The following SPACA1 variants were observed in gnomAD, a reference collection of about 807,000 sequenced individuals.
SPACA1 encodes the protein sperm acrosome associated 1.
A neutral mutation model predicts 32.6 loss-of-function variants in SPACA1; 17 were observed. The ratio of observed to expected loss-of-function variants is 0.52; its 90% confidence interval spans 0.36 to 0.78. SPACA1 has a LOEUF of 0.78. SPACA1 is among the 30% of genes least tolerant of loss of function. The probability of loss-of-function intolerance (pLI) is 0.01; values close to 1 mark genes in which losing one functional copy is unlikely to be tolerated. For synonymous variants in SPACA1, 140 were observed against 138.1 expected, an observed-to-expected ratio of 1.01 and a Z score of -0.10; for missense variants, 363 against 373.4, an observed-to-expected ratio of 0.97 and a Z score of 0.23.
intron 2 of SPACA1, among the ~76,000 whole-genome samples, chr6:88,056,229 C>T (rs773112754): frequency 6.6e-6 from 1 of 152,064 alleles, no homozygotes; most frequent in Non-Finnish European, 1.5e-5. Flanking sequence ...TGGCACGCGC[C>T]TGTAATCCCA....
intron 5 of SPACA1, among the ~76,000 whole-genome samples, chr6:88,059,982 CATGG>C (rs1775868106): frequency 6.6e-6 from 1 of 152,086 alleles, no homozygotes. Flanking sequence ...ATGGAATTCT[CATGG>C]ATGCTTATGA....
intron 5 of SPACA1, among the ~76,000 whole-genome samples, chr6:88,060,603 T>C (rs1775877876): frequency 6.6e-6 from 1 of 152,230 alleles, no homozygotes; most frequent in Admixed American, 6.5e-5. Context: ...TTTAGAAACA[T>C]CTTCATGGTG....
rs146484212 is a variant in SPACA1 at position 88,062,657 on chromosome 6, G to A, written c.611-1442G>A. Among the ~76,000 whole-genome samples, 9 of 152,202 alleles carry A rather than the reference G, an allele frequency of 5.9e-5. No individual in the cohort carries two copies. In the East Asian group the frequency reaches 1.7e-3, roughly 29 times the overall value. On this transcript the variant is annotated intron_variant, in intron 5 of 6. Transcript: ENST00000237201. ...ATGGGAGAGAATGCTTGAGGTAAGA[G>A]TGGTGCATGAGGTGGGTACAGTGGT...
intron 6 of SPACA1, 57 bp from the exon 7 acceptor site, chr6:88,066,125 T>C (rs1470339577): frequency 1.0e-5 from 14 of 1,404,890 alleles, no homozygotes; most frequent in Non-Finnish European, 1.3e-5. Context: ...TATAGAAATC[T>C]ATTCAGTTTT....
At chr6:88,049,567 TC>T (rs1243133464) in intron 1 of SPACA1, among the ~76,000 whole-genome samples, 1 of 152,242 alleles carries the variant, frequency 6.6e-6, no homozygotes, top group East Asian at 1.9e-4. Flanking sequence ...CCCTTAACCC[TC>T]AGTGGATCAG....
At chr6:88,059,638 G>A (rs759971629) in intron 5 of SPACA1, 50 bp downstream of exon 5, 8 of 1,534,026 alleles carry the variant, frequency 5.2e-6, no homozygotes, top group African/African-American at 2.8e-5. Flanking sequence ...TCTTTAAAGA[G>A]CATTAAAATC....
At chr6:88,048,242 G>T (rs1238894868) in intron 1 of SPACA1, 129 bp downstream of exon 1, 8 of 996,522 alleles carry the variant, frequency 8.0e-6, no homozygotes, top group Non-Finnish European at 1.0e-5. Flanking sequence ...CTTCAGCCCC[G>T]AGTTTGTCCC....
chr6:88,047,191 T>C (rs528294363), upstream of SPACA1, among the ~76,000 whole-genome samples: 9 of 152,316 alleles, frequency 5.9e-5, no homozygotes, highest in South Asian at 1.2e-3. Context: ...AGTAAGTAAG[T>C]GTTCGGGAGA....
intron 2 of SPACA1, among the ~76,000 whole-genome samples, chr6:88,055,926 C>T (rs1775800421): frequency 6.6e-6 from 1 of 151,792 alleles, no homozygotes; most frequent in Non-Finnish European, 1.5e-5. Context: ...ACTGAGATGG[C>T]ACCACTGCAC....
rs201534695 is a variant in SPACA1 at position 88,059,496 on chromosome 6, G to A, written c.518G>A (p.Arg173His). 3.1e-5 allele frequency: 50 copies of A among 1,612,634 alleles called. No individual in the cohort carries two copies. In the East Asian group the frequency reaches 3.8e-4, roughly 12 times the overall value. Residue 173 changes from arginine to histidine, a missense_variant, in exon 5 of 7, where the codon CGC becomes CAC. Physicochemically the swap from Arg to His is conservative, Grantham distance 29. Transcript: ENST00000237201. ...LVNDSAILEVRKESHPLAFEC... is the reference protein window; with the variant it reads ...LVNDSAILEVHKESHPLAFEC... The stretch of plus-strand genomic sequence containing the variant: ...AATGATTCAGCAATCCTAGAAGTAC[G>A]CAAGGAAAGTCACCCCTTGGCTTTC...
At chr6:88,053,635 G>T (rs74716665) in intron 1 of SPACA1, among the ~76,000 whole-genome samples, 4,582 of 152,136 alleles carry the variant, frequency 0.03, 218 homozygotes, top group African/African-American at 0.1. Flanking sequence ...GTTTTTCTGA[G>T]ACCCTCTATC....
rs1304585835 is a variant in SPACA1, at chr6:88,047,866, G to A, written c.-40G>A. ...GACGTACCTGTCCTCAGGAGCCGCG[G>A]CGGCGACTGCGCCTCGGACGGCCGT... is the stretch of plus-strand genomic sequence containing the variant. On this transcript the variant is annotated 5_prime_UTR_variant, in exon 1 of 7. Transcript: ENST00000237201. 2.0e-6 allele frequency: 3 copies of A among 1,491,090 alleles called. No homozygotes were observed. Among genetic ancestry groups the A allele is most frequent in the African/African-American group, 2.8e-5 (2 of 71,412 alleles). The allele number at this position is 1,491,090 out of a possible 1,614,324, so 92.4% of individuals were successfully genotyped here. A position where few individuals can be genotyped will look rare whatever the true frequency, so the allele number is the denominator to read the frequency against.
upstream of SPACA1, among the ~76,000 whole-genome samples, chr6:88,047,532 G>A (rs1417255557): frequency 6.6e-6 from 1 of 152,196 alleles, no homozygotes; most frequent in Non-Finnish European, 1.5e-5. Context: ...GGTGAGCGAG[G>A]AGGCTGAAGA....
At chr6:88,060,006 T>G (rs1351781288) in intron 5 of SPACA1, among the ~76,000 whole-genome samples, 2 of 152,212 alleles carry the variant, frequency 1.3e-5, no homozygotes, top group Admixed American at 1.3e-4. Context: ...AAAATTTTCA[T>G]TCAGTAAAGT....
intron 2 of SPACA1, among the ~76,000 whole-genome samples, chr6:88,056,224 C>T (rs769924032): frequency 3.3e-5 from 5 of 151,960 alleles, no homozygotes; most frequent in South Asian, 4.1e-4. Context: ...CGTAGTGGCA[C>T]GCGCCTGTAA....
At chr6:88,058,171 A>G (rs1775838403) in intron 3 of SPACA1, among the ~76,000 whole-genome samples, 1 of 152,194 alleles carries the variant, frequency 6.6e-6, no homozygotes, top group African/African-American at 2.4e-5. Context: ...GTTTAGTCTA[A>G]CAGATCAGTA....
intron 5 of SPACA1, among the ~76,000 whole-genome samples, chr6:88,061,139 G>T (rs977214055): frequency 6.6e-6 from 1 of 152,202 alleles, no homozygotes; most frequent in African/African-American, 2.4e-5. Context: ...TATGGTACTA[G>T]CATGAAACAA....
chr6:88,058,683 C>A, intron 3 of SPACA1, 33 bp from the exon 4 acceptor site: 1 of 1,456,416 alleles, frequency 6.9e-7, no homozygotes, highest in Non-Finnish European at 9.6e-7. Flanking sequence ...TTTATAATGC[C>A]CAATGGTATT....
In SPACA1 at chr6:88,055,961, T is replaced by TC. The variant is rs1396116158; in HGVS notation, c.266-1649dup. Among the ~76,000 whole-genome samples, 5 of 151,394 alleles carry TC rather than the reference T, an allele frequency of 3.3e-5. No homozygotes were observed. The East Asian group carries it at 9.9e-4, about 30-fold the overall frequency. On this transcript the variant is annotated intron_variant, in intron 2 of 6. Coordinates refer to ENST00000237201, the MANE Select transcript of SPACA1 (RefSeq NM_030960.3). ...CTCCAGCCTGGCGACAAAGCGAGAC[T>TC]CCATCTCAAAAACAAAACAAAACAA...
Sources: gnomAD v4.1 joint callset for allele counts (sites outside exome capture counted in the v4.1 genomes callset) on GRCh38, gnomAD v4.1.1 for gene constraint, MANE v1.5 for transcripts, NCBI Gene and HGNC (gene_info 2026-07-23, HGNC 2026-07-21) for gene names.